CMSS1: variants seen among roughly 807,000 people sequenced by gnomAD.
The protein encoded by CMSS1 is cms1 ribosomal small subunit homolog.
In CMSS1, 33 loss-of-function variants were observed where a neutral mutation model predicts 43.5. That is an observed-to-expected ratio of 0.76 (90% CI 0.57 to 1.01). The LOEUF (loss-of-function observed/expected upper bound fraction) is 1.01, where lower values mean the gene tolerates loss of function less well. CMSS1 is among the 50% of genes least tolerant of loss of function. The pLI is 0.00. For synonymous variants in CMSS1, 115 were observed against 117.2 expected (o/e 0.98, Z 0.12); for missense variants, 313 against 326.4 (o/e 0.96, Z 0.32).
At chr3:99,907,332 C>A (rs1706650860) in intron 1 of CMSS1, among the ~76,000 whole-genome samples, 1 of 152,122 alleles carries the variant, frequency 6.6e-6, no homozygotes, top group African/African-American at 2.4e-5. Context: ...ACTGCAAGCT[C>A]CACCTCCCGG....
chr3:100,138,691 A>C (rs188491863), intron 1 of CMSS1, among the ~76,000 whole-genome samples: 44 of 152,338 alleles, frequency 2.9e-4, no homozygotes, highest in Admixed American at 7.2e-4. Flanking sequence ...AAGAAACAAT[A>C]GATGCTGGCA....
At chr3:99,976,164 G>A (rs548514173) in intron 1 of CMSS1, among the ~76,000 whole-genome samples, 1 of 152,078 alleles carries the variant, frequency 6.6e-6, no homozygotes, top group African/African-American at 2.4e-5. Flanking sequence ...ATAAGCCACC[G>A]CACCTGGCCC....
chr3:100,102,993 TAC>T (rs1218600775), intron 1 of CMSS1, among the ~76,000 whole-genome samples: 1 of 152,216 alleles, frequency 6.6e-6, no homozygotes, highest in African/African-American at 2.4e-5. Flanking sequence ...CTTATGGCAC[TAC>T]AGGTGCCAGT....
chr3:99,851,935 G>A (rs1490457419), intron 1 of CMSS1, among the ~76,000 whole-genome samples: 1 of 152,148 alleles, frequency 6.6e-6, no homozygotes, highest in South Asian at 2.1e-4. Flanking sequence ...CATGCGGTTT[G>A]GTAGGAAAGT....
intron 1 of CMSS1, among the ~76,000 whole-genome samples, chr3:100,056,813 G>A (rs2065472001): frequency 6.6e-6 from 1 of 152,046 alleles, no homozygotes; most frequent in Non-Finnish European, 1.5e-5. Flanking sequence ...GACCATCCTG[G>A]CTAACACAGT....
chr3:100,105,883 A>G (rs1426922340), intron 1 of CMSS1, among the ~76,000 whole-genome samples: 1 of 152,190 alleles, frequency 6.6e-6, no homozygotes, highest in Non-Finnish European at 1.5e-5. Context: ...TTTATCAAAC[A>G]AAAACTTTTT....
intron 1 of CMSS1, among the ~76,000 whole-genome samples, chr3:99,976,253 A>G (rs1340285871): frequency 6.6e-6 from 1 of 152,170 alleles, no homozygotes; most frequent in African/African-American, 2.4e-5. Flanking sequence ...CTATTAGTCT[A>G]CTTGAGGAGA....
intron 1 of CMSS1, among the ~76,000 whole-genome samples, chr3:99,880,627 AATG>A (rs1270491362): frequency 6.6e-6 from 1 of 152,128 alleles, no homozygotes; most frequent in Non-Finnish European, 1.5e-5. Context: ...AAAACATTAA[AATG>A]ATGATATTTT....
At chr3:100,039,179 C>T (rs1428466261) in intron 1 of CMSS1, among the ~76,000 whole-genome samples, 1 of 152,176 alleles carries the variant, frequency 6.6e-6, no homozygotes, top group Non-Finnish European at 1.5e-5. Context: ...CATTCCCAGA[C>T]CTTTCACTGT....
intron 1 of CMSS1, among the ~76,000 whole-genome samples, chr3:99,913,096 G>T (rs183635614): frequency 4.0e-4 from 61 of 152,154 alleles, no homozygotes; most frequent in African/African-American, 1.4e-3. Context: ...AGACGACAGC[G>T]GTTTACAACC....
intron 1 of CMSS1, among the ~76,000 whole-genome samples, chr3:99,955,613 T>C (rs1041733634): frequency 6.6e-6 from 1 of 152,174 alleles, no homozygotes; most frequent in Non-Finnish European, 1.5e-5. Flanking sequence ...TGAAAAAAAT[T>C]AATCATATTT....
intron 1 of CMSS1, chr3:99,925,943 A>C (rs1419384579): frequency 2.1e-6 from 2 of 935,632 alleles, no homozygotes; most frequent in African/African-American, 3.6e-5. Flanking sequence ...GCAAGAGCTA[A>C]CTCGGGATCT....
chr3:100,157,755 C>A (rs1014257172), intron 2 of CMSS1, among the ~76,000 whole-genome samples: 4 of 152,212 alleles, frequency 2.6e-5, no homozygotes, highest in Admixed American at 6.5e-5. Context: ...GCTGGCAGGA[C>A]AGGCAAGGTG....
chr3:100,120,991 C>T lies in CMSS1; in HGVS notation c.65-25982C>T, dbSNP rs2066614330. ...CTTTGTACTCATGAAAATTGTGTGG[C>T]TCAGCTTTAACTTTGGTACCACTGC... On this transcript the variant is annotated intron_variant, in intron 1 of 9. Transcript: ENST00000421999. 2.6e-5 allele frequency among the ~76,000 whole-genome samples: 4 copies of T among 152,146 alleles called. No homozygotes were observed. The South Asian group carries it at 8.3e-4, about 32-fold the overall frequency.
At chr3:100,086,143 G>C (rs1405999317) in intron 1 of CMSS1, among the ~76,000 whole-genome samples, 2 of 152,208 alleles carry the variant, frequency 1.3e-5, no homozygotes, top group African/African-American at 2.4e-5. Flanking sequence ...CCTGCATAAA[G>C]AGCATAGAAC....
chr3:99,835,498 C>G (rs1421539678), intron 1 of CMSS1, among the ~76,000 whole-genome samples: 2 of 152,204 alleles, frequency 1.3e-5, no homozygotes, highest in Non-Finnish European at 2.9e-5. Flanking sequence ...TGAGCACCTA[C>G]TATGAGCACT....
At chr3:100,151,436 G>A (rs1472909163) in intron 2 of CMSS1, among the ~76,000 whole-genome samples, 1 of 152,176 alleles carries the variant, frequency 6.6e-6, no homozygotes, top group Non-Finnish European at 1.5e-5. Flanking sequence ...TTACCTTGCA[G>A]CTCACTGGTG....
intron 1 of CMSS1, among the ~76,000 whole-genome samples, chr3:100,000,025 A>T (rs1028025807): frequency 4.6e-5 from 7 of 152,126 alleles, no homozygotes; most frequent in Non-Finnish European, 1.0e-4. Flanking sequence ...CCACCTCCAG[A>T]GTCTTATTTG....
chr3:100,177,785 C>T (rs2067160281), intron 9 of CMSS1, among the ~76,000 whole-genome samples: 1 of 152,018 alleles, frequency 6.6e-6, no homozygotes, highest in Admixed American at 6.6e-5. Context: ...AGTTCGAGAC[C>T]CGCCTGGACA....
Sources: gnomAD v4.1 joint callset for allele counts (sites outside exome capture counted in the v4.1 genomes callset) on GRCh38, gnomAD v4.1.1 for gene constraint, MANE v1.5 for transcripts, NCBI Gene and HGNC (gene_info 2026-07-23, HGNC 2026-07-21) for gene names.